TRERF1: variants seen among roughly 807,000 people sequenced by gnomAD.
TRERF1 encodes the protein transcriptional regulating factor 1.
TRERF1 carries 27 observed loss-of-function variants against 122.9 expected under a neutral mutation model. The observed-to-expected ratio is 0.22, with a 90% confidence interval of 0.16 to 0.30. The LOEUF (loss-of-function observed/expected upper bound fraction) is 0.30, where lower values mean the gene tolerates loss of function less well. TRERF1 is among the 10% of genes least tolerant of loss of function. TRERF1 has a pLI of 1.00. For missense variants in TRERF1, 1,248 were observed against 1,560.3 expected (o/e 0.80, Z 3.37); for synonymous variants, 636 against 641.7 (o/e 0.99, Z 0.13).
Position 42,241,311 on chromosome 6 carries a change from T to A in TRERF1, c.2859+1937A>T, listed in dbSNP as rs952350808. ...AAATCCTGAATGTAGAATACTGCCA[T>A]CTCTGATTGAAAAAAATAGCAATAC... On this transcript the variant is annotated intron_variant, in intron 15 of 17. Transcript: ENST00000372922. Among the ~76,000 whole-genome samples, 7 of 152,280 alleles carry A rather than the reference T, an allele frequency of 4.6e-5. No homozygotes were observed. In the South Asian group the frequency reaches 8.3e-4, roughly 18 times the overall value.
intron 2 of TRERF1, among the ~76,000 whole-genome samples, chr6:42,374,563 G>A (rs1774462378): frequency 6.6e-6 from 1 of 152,166 alleles, no homozygotes; most frequent in African/African-American, 2.4e-5. Flanking sequence ...TAAACCCTCT[G>A]TGTGTACCAG....
chr6:42,337,114 T>A (rs780082172), intron 3 of TRERF1, among the ~76,000 whole-genome samples: 2 of 152,024 alleles, frequency 1.3e-5, no homozygotes, highest in Non-Finnish European at 2.9e-5. Context: ...CTGAGCTCCT[T>A]GGTGGCAGTG....
chr6:42,360,402 G>A (rs1036006859), intron 3 of TRERF1, among the ~76,000 whole-genome samples: 2 of 152,180 alleles, frequency 1.3e-5, no homozygotes, highest in East Asian at 1.9e-4. Flanking sequence ...CTAGAAGGTC[G>A]TACGTTTTAA....
chr6:42,435,769 A>G (rs944310279), intron 2 of TRERF1, among the ~76,000 whole-genome samples: 4 of 151,190 alleles, frequency 2.6e-5, no homozygotes, highest in African/African-American at 9.7e-5. Flanking sequence ...AGGTCAAGAG[A>G]TCGAGATCAT....
chr6:42,410,464 T>A (rs78510943), intron 2 of TRERF1, among the ~76,000 whole-genome samples: 1 of 152,164 alleles, frequency 6.6e-6, no homozygotes, highest in Non-Finnish European at 1.5e-5. Context: ...ACTCATTTTT[T>A]AAAGAGCCCA....
intron 10 of TRERF1, among the ~76,000 whole-genome samples, chr6:42,257,867 G>A (rs1229724141): frequency 6.6e-6 from 1 of 152,272 alleles, no homozygotes; most frequent in African/African-American, 2.4e-5. Context: ...CACTGGGGAT[G>A]AGAAAGCACT....
At chr6:42,371,980 G>A (rs1449051018) in intron 2 of TRERF1, among the ~76,000 whole-genome samples, 1 of 152,054 alleles carries the variant, frequency 6.6e-6, no homozygotes, top group African/African-American at 2.4e-5. Context: ...TCAGGAGTTC[G>A]AGATCAGCCT....
Position 42,269,006 on chromosome 6 carries a change from C to G in TRERF1, c.585G>C (p.Pro195=). The G allele has an allele frequency of 6.2e-7, 1 of 1,613,440 alleles. No homozygotes were observed. The highest frequency in any genetic ancestry group is 8.5e-7 in the Non-Finnish European group (1 of 1,179,592). Residue 195 remains proline, a synonymous_variant, in exon 5 of 18, where the codon CCG becomes CCC. Coordinates refer to ENST00000372922, the Ensembl canonical transcript of TRERF1. The surrounding 1 kb of genome is among the most constrained non-coding windows in gnomAD (Gnocchi z 4.9). ...CCTGCTGGTAGCGGGAAGGGATAGC[C>G]GGTGCTGGGGGCTCCATGGGCTTCT...
chr6:42,407,299 C>T lies in TRERF1; in HGVS notation c.-454+43878G>A, dbSNP rs536982491. Reference sequence around the variant, plus strand: ...GCACATATTTATTTGCTGGGGGCTGCAGTCTCTTTTCACCGTTATTCGCAA... The same window carrying T: ...GCACATATTTATTTGCTGGGGGCTGTAGTCTCTTTTCACCGTTATTCGCAA... On this transcript the variant is annotated intron_variant, in intron 2 of 17. Transcript: ENST00000372922. Among the ~76,000 whole-genome samples, 28 of 152,262 alleles carry T rather than the reference C, an allele frequency of 1.8e-4. No homozygotes were observed. In the South Asian group the frequency reaches 5.4e-3, roughly 29 times the overall value.
chr6:42,336,828 T>G (rs953372086), intron 3 of TRERF1, among the ~76,000 whole-genome samples: 8 of 152,214 alleles, frequency 5.3e-5, no homozygotes, highest in Non-Finnish European at 1.2e-4. Flanking sequence ...GCCTGTCTCA[T>G]GGCTGCTGCT....
chr6:42,382,694 C>A (rs389473), intron 2 of TRERF1, among the ~76,000 whole-genome samples: 27,093 of 151,920 alleles, frequency 0.18, 5,061 homozygotes, highest in African/African-American at 0.48. Flanking sequence ...TGGATTCGTG[C>A]AGCTTTTTTT....
At chr6:42,290,831 G>A (rs1784209855) in intron 4 of TRERF1, among the ~76,000 whole-genome samples, 1 of 144,080 alleles carries the variant, frequency 6.9e-6, no homozygotes, top group African/African-American at 2.6e-5. Context: ...AATCAGTGCT[G>A]GGATGTGGGG....
At chr6:42,429,519 A>G (rs1358311449) in intron 2 of TRERF1, among the ~76,000 whole-genome samples, 1 of 152,218 alleles carries the variant, frequency 6.6e-6, no homozygotes, top group African/African-American at 2.4e-5. Context: ...GTTTTGTTTC[A>G]TAACAGTCTT....
At chr6:42,331,505 A>G (rs1043010047) in intron 3 of TRERF1, among the ~76,000 whole-genome samples, 4 of 152,196 alleles carry the variant, frequency 2.6e-5, no homozygotes, top group African/African-American at 9.7e-5. Flanking sequence ...CTGACTGGCA[A>G]CTAGGTCACC....
chr6:42,334,857 C>T (rs571683359), intron 3 of TRERF1, among the ~76,000 whole-genome samples: 2 of 152,342 alleles, frequency 1.3e-5, no homozygotes, highest in South Asian at 2.1e-4. Flanking sequence ...AGTGAGGCAT[C>T]GGGGACAGGA....
Position 42,332,917 on chromosome 6 carries a change from G to C in TRERF1, c.-371+30080C>G, listed in dbSNP as rs75001378. 5.8e-3 allele frequency among the ~76,000 whole-genome samples: 876 copies of C among 152,238 alleles called. 4 individuals are homozygous for C. The highest frequency in any genetic ancestry group is 0.02 in the African/African-American group (835 of 41,522). On this transcript the variant is annotated intron_variant, in intron 3 of 17. Transcript: ENST00000372922. ...CCTTCTGAGCTGAGAGGAAAGGAGA[G>C]GAAACTGGCCTACTTTTATGGGTCA...
intron 2 of TRERF1, among the ~76,000 whole-genome samples, chr6:42,374,135 T>G (rs1774329640): frequency 7.8e-6 from 1 of 128,372 alleles, no homozygotes; most frequent in Non-Finnish European, 1.5e-5. Context: ...CTGTCTTTTT[T>G]TTAAAAAAAA....
chr6:42,335,949 G>A (rs554660001), intron 3 of TRERF1, among the ~76,000 whole-genome samples: 2 of 152,358 alleles, frequency 1.3e-5, no homozygotes, highest in East Asian at 3.9e-4. Flanking sequence ...CAACGATGGG[G>A]ATATTTTACA....
intron 2 of TRERF1, among the ~76,000 whole-genome samples, chr6:42,418,608 T>C (rs549964744): frequency 1.3e-5 from 2 of 152,178 alleles, no homozygotes; most frequent in Non-Finnish European, 2.9e-5. Context: ...GTGATGCTGC[T>C]GGTGCAGGGA....
Sources: gnomAD v4.1 joint callset for allele counts (sites outside exome capture counted in the v4.1 genomes callset) on GRCh38, gnomAD v4.1.1 for gene constraint, Gnocchi (gnomAD v3.1) non-coding constraint, MANE v1.5 for transcripts, NCBI Gene and HGNC (gene_info 2026-07-23, HGNC 2026-07-21) for gene names.